ANKRD11: variants seen among roughly 807,000 people sequenced by gnomAD.
The protein encoded by ANKRD11 is ankyrin repeat domain-containing protein 11.
In ANKRD11, 17 loss-of-function variants were observed where a neutral mutation model predicts 195.7. That is an observed-to-expected ratio of 0.09 (90% CI 0.06 to 0.13). The LOEUF is 0.13. Among genes scored for constraint, ANKRD11 ranks in the 10% least tolerant of loss-of-function variants. The probability of loss-of-function intolerance (pLI) is 1.00; values close to 1 mark genes in which losing one functional copy is unlikely to be tolerated. For missense variants in ANKRD11, 3,735 were observed against 3,566.1 expected (o/e 1.05, Z -1.21); for synonymous variants, 1,953 against 1,528.1 (o/e 1.28, Z -6.49).
chr16:89,364,391 A>G (rs1349024722), intron 2 of ANKRD11, among the ~76,000 whole-genome samples: 4 of 152,242 alleles, frequency 2.6e-5, no homozygotes, highest in Admixed American at 2.6e-4. Context: ...TTACACCGCA[A>G]TAGGTAACTG....
intron 2 of ANKRD11, chr16:89,395,856 G>A (rs763269731): frequency 2.0e-5 from 3 of 152,144 alleles, no homozygotes; most frequent in African/African-American, 4.8e-5. Context: ...GGGGTGGTGC[G>A]GCAAGACTGT....
chr16:89,485,205 T>C (rs1451751170), intron 1 of ANKRD11, among the ~76,000 whole-genome samples: 1 of 151,996 alleles, frequency 6.6e-6, no homozygotes, highest in African/African-American at 2.4e-5. Context: ...GGTTTCTGGC[T>C]AGGCGCGGTA....
chr16:89,285,280 C>G lies in ANKRD11; in HGVS notation c.1262G>C (p.Gly421Ala). 7 of 1,613,850 alleles carry G rather than the reference C, an allele frequency of 4.3e-6. No individual in the cohort carries two copies. The highest frequency in any genetic ancestry group is 5.9e-6 in the Non-Finnish European group (7 of 1,180,012). ...CGAGAGTCTCAGCTTCTCTCCTGTC[C>G]CCACGGTGACACTCGCGTCCTCCTC... ...SDEEDASVTVGTGEKLRLSAH... is the reference protein window; with the variant it reads ...SDEEDASVTVATGEKLRLSAH... The change falls in exon 9 of 13, where the codon GGG becomes GCG. Residue 421 changes from glycine to alanine, a missense_variant. Coordinates refer to ENST00000301030, the MANE Select transcript of ANKRD11 (RefSeq NM_013275.6). The surrounding 1 kb of genome is among the most constrained non-coding windows in gnomAD (Gnocchi z 5.6).
chr16:89,450,451 G>A (rs1189554263), intron 1 of ANKRD11, among the ~76,000 whole-genome samples: 2 of 152,108 alleles, frequency 1.3e-5, no homozygotes, highest in African/African-American at 4.8e-5. Context: ...TCCCTCCGAC[G>A]GTGTACAAGG....
intron 9 of ANKRD11, among the ~76,000 whole-genome samples, chr16:89,277,032 G>A (rs1389158790): frequency 1.3e-5 from 2 of 149,722 alleles, no homozygotes; most frequent in Non-Finnish European, 1.5e-5. Flanking sequence ...CTCCAGCCTG[G>A]GTGACAGAGT....
In ANKRD11 at chr16:89,418,523, C is replaced by T. The variant is rs1316062825; in HGVS notation, c.-144-155G>A. On this transcript the variant is annotated intron_variant, in intron 1 of 12. Transcript: ENST00000301030. ...TCAGCTCCTGGTCACTGTGCCAAGG[C>T]CAAAACTTAACTTCATTCATCAAAT... is the stretch of plus-strand genomic sequence containing the variant. 1.6e-5 allele frequency: 4 copies of T among 254,438 alleles called. No homozygotes were observed. In the East Asian group the frequency reaches 3.8e-4, roughly 24 times the overall value. 15.8% of individuals were successfully genotyped at this position (254,438 alleles called of 1,614,324 possible). A position where few individuals can be genotyped will look rare whatever the true frequency, so the allele number is the denominator to read the frequency against.
intron 1 of ANKRD11, among the ~76,000 whole-genome samples, chr16:89,479,450 C>A (rs577313988): frequency 2.0e-5 from 3 of 150,480 alleles, no homozygotes; most frequent in African/African-American, 7.4e-5. Flanking sequence ...CTGACCAACA[C>A]GGAGAAACCC....
At chr16:89,425,247 T>G (rs1250849308) in intron 1 of ANKRD11, among the ~76,000 whole-genome samples, 1 of 152,100 alleles carries the variant, frequency 6.6e-6, no homozygotes, top group Non-Finnish European at 1.5e-5. Flanking sequence ...GTGTGAGAAA[T>G]TTAGTCAAGG....
rs147729846 is a variant in ANKRD11, at chr16:89,354,442, G to T, written c.-59-37364C>A. 4.6e-3 allele frequency among the ~76,000 whole-genome samples: 698 copies of T among 152,296 alleles called. 4 individuals are homozygous for T. Among genetic ancestry groups the T allele is most frequent in the African/African-American group, 0.016 (652 of 41,574 alleles). ...CAGTGAGGTCCACTATGCCAGCGCA[G>T]TGCAGAGCCAGCCCACCTCCCTGCA... On this transcript the variant is annotated intron_variant, in intron 2 of 12. Transcript: ENST00000301030.
Position 89,471,782 on chromosome 16 carries a change from CAAAAAA to C in ANKRD11, c.-145+18457_-145+18462del, listed in dbSNP as rs56391654. ...CCTGGGCGACAGTGAGACTCTGTCT[CAAAAAA>C]AAAAAAAAAAAAAAAAAAAAGATAT... On this transcript the variant is annotated intron_variant, in intron 1 of 12. Transcript: ENST00000301030. 5.6e-5 allele frequency among the ~76,000 whole-genome samples: 3 copies of C among 53,498 alleles called. No homozygotes were observed. In the South Asian group the frequency reaches 2.5e-3, roughly 45 times the overall value. The allele number at this position is 53,498 out of a possible 152,430, so 35.1% of individuals were successfully genotyped here.
chr16:89,447,804 CTTTTT>C (rs753581064), intron 1 of ANKRD11, among the ~76,000 whole-genome samples: 2 of 135,290 alleles, frequency 1.5e-5, no homozygotes, highest in East Asian at 2.2e-4. Context: ...ATAACTTTTT[CTTTTT>C]TTTTTTTTTT....
Position 89,290,785 on chromosome 16 carries a change from C to G in ANKRD11, c.441G>C (p.Gln147His). Residue 147 changes from glutamine to histidine, a missense_variant, in exon 6 of 13, where the codon CAG becomes CAC. Transcript: ENST00000301030. ...TTGAGGCAGAGTTGGGCGTTCCCTT[C>G]TGACACACTGTAGACTGGGAGGGGT... Reference protein sequence around the residue: ...PKHPSQSTVCQKGTPNSASKT... With the variant: ...PKHPSQSTVCHKGTPNSASKT... 1 of 1,614,096 alleles carries G rather than the reference C, an allele frequency of 6.2e-7. No individual in the cohort carries two copies. Among genetic ancestry groups the G allele is most frequent in the Non-Finnish European group, 8.5e-7 (1 of 1,180,014 alleles).
chr16:89,288,687 A>G lies in ANKRD11; in HGVS notation c.602-17T>C. The G allele has an allele frequency of 2.5e-6, 4 of 1,613,956 alleles. No homozygotes were observed. Among genetic ancestry groups the G allele is most frequent in the Non-Finnish European group, 3.4e-6 (4 of 1,180,018 alleles). ...CCGTCCAGCCTGGAAACAGACACTC[A>G]GGACGTACGTTATTTAATCCTCAGA... On this transcript the variant is annotated splice_polypyrimidine_tract_variant and intron_variant, in intron 6 of 12. Coordinates refer to ENST00000301030, the MANE Select transcript of ANKRD11 (RefSeq NM_013275.6).
chr16:89,332,071 C>T (rs1427870773), intron 2 of ANKRD11, among the ~76,000 whole-genome samples: 3 of 151,986 alleles, frequency 2.0e-5, no homozygotes, highest in Admixed American at 6.6e-5. Flanking sequence ...AGGGATCATT[C>T]GATCCCAGGA....
intron 3 of ANKRD11, among the ~76,000 whole-genome samples, chr16:89,308,560 C>T (rs1453417114): frequency 1.3e-5 from 2 of 152,202 alleles, no homozygotes; most frequent in East Asian, 1.9e-4. Context: ...AGGAGATGCA[C>T]ACCAGCACCC....
intron 1 of ANKRD11, among the ~76,000 whole-genome samples, chr16:89,430,628 CAACA>C (rs1174795096): frequency 1.3e-5 from 2 of 152,220 alleles, no homozygotes; most frequent in African/African-American, 2.4e-5. Flanking sequence ...GGACAAAGGT[CAACA>C]AACGCCCCTT....
In ANKRD11 at chr16:89,285,995, A is replaced by G. The variant is rs1222478241; in HGVS notation, c.892+44T>C. On this transcript the variant is annotated intron_variant, in intron 8 of 12. Transcript: ENST00000301030. This position sits in a 1 kb window ranked among gnomAD's most constrained non-coding sequence, Gnocchi z 5.6. ...CAAACACCACAGGGCAGCTCCTACC[A>G]TCCCTGCATAAAAGAACAGGCAGCT... The G allele has an allele frequency of 1.9e-6, 3 of 1,613,372 alleles. No individual in the cohort carries two copies. The highest frequency in any genetic ancestry group is 2.2e-5 in the South Asian group (2 of 91,064).
At chr16:89,376,630 G>T (rs764913679) in intron 2 of ANKRD11, among the ~76,000 whole-genome samples, 18 of 152,194 alleles carry the variant, frequency 1.2e-4, no homozygotes, top group Non-Finnish European at 2.4e-4. Context: ...CAGAGACGAG[G>T]GTTTCACCAT....
chr16:89,376,927 C>A lies in ANKRD11; in HGVS notation c.-60+41357G>T, dbSNP rs78645182. Among the ~76,000 whole-genome samples, 1,297 of 152,294 alleles carry A rather than the reference C, an allele frequency of 8.5e-3. 39 individuals carry two copies. Among genetic ancestry groups the A allele is most frequent in the East Asian group, 0.034 (175 of 5,190 alleles). Reference sequence around the variant, plus strand: ...AGGACTGCCTTTATCTATAAAGCTGCCTACCTCAGAACCTTGAAGGGAAAA... The same window carrying A: ...AGGACTGCCTTTATCTATAAAGCTGACTACCTCAGAACCTTGAAGGGAAAA... On this transcript the variant is annotated intron_variant, in intron 2 of 12. Transcript: ENST00000301030.
Sources: gnomAD v4.1 joint callset for allele counts (sites outside exome capture counted in the v4.1 genomes callset) on GRCh38, gnomAD v4.1.1 for gene constraint, Gnocchi (gnomAD v3.1) non-coding constraint, MANE v1.5 for transcripts, NCBI Gene and HGNC (gene_info 2026-07-23, HGNC 2026-07-21) for gene names.